AFAP1L1: variants seen among roughly 807,000 people sequenced by gnomAD.
The protein encoded by AFAP1L1 is actin filament-associated protein 1-like 1.
In AFAP1L1, 77 loss-of-function variants were observed where a neutral mutation model predicts 99.8. The observed-to-expected ratio is 0.77, with a 90% CI of 0.64 to 0.93. AFAP1L1 has a LOEUF of 0.93. Ranked by LOEUF, AFAP1L1 falls within the 40% of genes least tolerant of loss-of-function variation. The pLI is 0.00. For synonymous variants in AFAP1L1, 373 were observed against 395.3 expected (o/e 0.94, Z 0.67); for missense variants, 893 against 996.8 (o/e 0.90, Z 1.40).
intron 4 of AFAP1L1, 125 bp downstream of exon 4, chr5:149,301,355 G>A: frequency 6.7e-6 from 5 of 742,458 alleles, no homozygotes; most frequent in Non-Finnish European, 9.0e-6. Context: ...CTCTCGGGTT[G>A]TGGGTGAGGG....
chr5:149,286,222 T>C (rs1485432013), intron 1 of AFAP1L1, among the ~76,000 whole-genome samples: 1 of 152,152 alleles, frequency 6.6e-6, no homozygotes, highest in Admixed American at 6.5e-5. Flanking sequence ...AACACCTCAC[T>C]GGATCCTCAC....
At chr5:149,306,255 T>C in intron 5 of AFAP1L1, 51 bp from the exon 6 acceptor site, 1 of 1,521,106 alleles carries the variant, frequency 6.6e-7, no homozygotes, top group Non-Finnish European at 9.0e-7. Context: ...TCCTGGCCCC[T>C]GGAGTCTGCC....
At chr5:149,332,972 T>C (rs1282981252) in intron 17 of AFAP1L1, 99 bp downstream of exon 17, 2 of 1,402,552 alleles carry the variant, frequency 1.4e-6, no homozygotes, top group Non-Finnish European at 1.9e-6. Context: ...GTAGGGGTTA[T>C]GCCCACTTAC....
rs1756858689 is a variant in AFAP1L1 at position 149,318,405 on chromosome 5, CCCT to C, written c.1479+470_1479+472del. Among the ~76,000 whole-genome samples the C allele has an allele frequency of 3.3e-5, 5 of 152,198 alleles. No homozygotes were observed. The South Asian group carries it at 8.3e-4, about 25-fold the overall frequency. On this transcript the variant is annotated intron_variant, in intron 12 of 18. Coordinates refer to ENST00000296721, the MANE Select transcript of AFAP1L1 (RefSeq NM_152406.4). ...TCCCCTCTAAGACTTTTCACCAGTACCCTCCTCTGGTGGAGGAGAAGGTCCACT... is the reference window on the plus strand; with the variant it reads ...TCCCCTCTAAGACTTTTCACCAGTACCCTCTGGTGGAGGAGAAGGTCCACT...
intron 11 of AFAP1L1, among the ~76,000 whole-genome samples, chr5:149,316,667 C>T (rs1489314821): frequency 6.6e-6 from 1 of 152,016 alleles, no homozygotes; most frequent in Non-Finnish European, 1.5e-5. Flanking sequence ...AAGTAACAAC[C>T]CATATTATAG....
At chr5:149,290,395 C>T (rs913660717) in intron 1 of AFAP1L1, among the ~76,000 whole-genome samples, 3 of 152,174 alleles carry the variant, frequency 2.0e-5, no homozygotes, top group South Asian at 2.1e-4. Flanking sequence ...GGCCTGTTCC[C>T]GCTAGTGAGG....
At chr5:149,306,531 C>G in intron 6 of AFAP1L1, 127 bp downstream of exon 6, 1 of 820,792 alleles carries the variant, frequency 1.2e-6, no homozygotes. Flanking sequence ...ACTAGAGAGG[C>G]CCCAACACCC....
chr5:149,335,423 G>T (rs1757377711), intron 17 of AFAP1L1, among the ~76,000 whole-genome samples, 171 bp from the exon 18 acceptor site: 2 of 152,222 alleles, frequency 1.3e-5, no homozygotes, highest in African/African-American at 2.4e-5. Context: ...AGGAGGCAGA[G>T]GTTGCAGTGA....
At chr5:149,337,915 G>C (rs1377608834) in intron 18 of AFAP1L1, among the ~76,000 whole-genome samples, 1 of 152,188 alleles carries the variant, frequency 6.6e-6, no homozygotes, top group Non-Finnish European at 1.5e-5. Context: ...CCAGCAAGAG[G>C]GGACAGCAGG....
intron 1 of AFAP1L1, among the ~76,000 whole-genome samples, chr5:149,293,633 C>A (rs1755927175): frequency 6.6e-6 from 1 of 152,182 alleles, no homozygotes; most frequent in Non-Finnish European, 1.5e-5. Context: ...AGAACTATAG[C>A]AAATCTGTTC....
chr5:149,293,023 G>A (rs1755906942), intron 1 of AFAP1L1, among the ~76,000 whole-genome samples: 1 of 152,236 alleles, frequency 6.6e-6, no homozygotes, highest in Non-Finnish European at 1.5e-5. Flanking sequence ...CCCAAGCTCA[G>A]TGTCAGGGCC....
In AFAP1L1 at chr5:149,315,718, T is replaced by G. The variant is rs1756771462; in HGVS notation, c.1021-103T>G. ...TGCTGACAAACATTTGTTAGCTAAT[T>G]ATCATGTGCTGGGGGAGTTGGAGGG... On this transcript the variant is annotated intron_variant, in intron 9 of 18. Coordinates refer to ENST00000296721, the MANE Select transcript of AFAP1L1 (RefSeq NM_152406.4). The G allele has an allele frequency of 8.8e-6, 8 of 911,260 alleles. No individual in the cohort carries two copies. The South Asian group carries it at 9.8e-5, about 11-fold the overall frequency. 56.4% of individuals were successfully genotyped at this position (911,260 alleles called of 1,614,324 possible). A position where few individuals can be genotyped will look rare whatever the true frequency, so the allele number is the denominator to read the frequency against.
chr5:149,312,257 C>T lies in AFAP1L1; in HGVS notation c.1020+53C>T, dbSNP rs375190446. 1.5e-3 allele frequency: 2,312 copies of T among 1,556,198 alleles called. 6 individuals carry two copies. The highest frequency in any genetic ancestry group is 1.9e-3 in the Non-Finnish European group (2,178 of 1,127,396). On this transcript the variant is annotated intron_variant, in intron 9 of 18. Coordinates refer to ENST00000296721, the MANE Select transcript of AFAP1L1 (RefSeq NM_152406.4). ...CAGGCCAGGCAGTGGCCACTCAACA[C>T]GGGCTCAACCCCAGGGGAACTAACT...
intron 1 of AFAP1L1, among the ~76,000 whole-genome samples, chr5:149,282,854 T>C (rs1013840467): frequency 6.6e-6 from 1 of 152,194 alleles, no homozygotes; most frequent in African/African-American, 2.4e-5. Context: ...CGAGAGTGTG[T>C]ATTCAAGAGT....
chr5:149,310,387 T>A (rs1048365412), intron 8 of AFAP1L1, among the ~76,000 whole-genome samples: 6 of 152,238 alleles, frequency 3.9e-5, no homozygotes, highest in Non-Finnish European at 8.8e-5. Context: ...GTGGGCTTAT[T>A]CAGCCTGCAC....
chr5:149,279,325 G>T (rs1184070075), intron 1 of AFAP1L1, among the ~76,000 whole-genome samples: 1 of 152,230 alleles, frequency 6.6e-6, no homozygotes, highest in Non-Finnish European at 1.5e-5. Flanking sequence ...GATGCAAAGA[G>T]TCAAAGTTTG....
chr5:149,307,643 G>T (rs370605092), intron 7 of AFAP1L1, 30 bp downstream of exon 7: 6 of 1,604,202 alleles, frequency 3.7e-6, no homozygotes, highest in Non-Finnish European at 5.1e-6. Flanking sequence ...CATGTGCCTC[G>T]GCCTCACATG....
intron 15 of AFAP1L1, among the ~76,000 whole-genome samples, chr5:149,329,152 T>C (rs1442970945): frequency 6.6e-6 from 1 of 152,200 alleles, no homozygotes; most frequent in Non-Finnish European, 1.5e-5. Context: ...CATCACAAAT[T>C]TGTTTTTTAA....
chr5:149,291,648 C>T (rs1755866294), intron 1 of AFAP1L1, among the ~76,000 whole-genome samples: 1 of 151,356 alleles, frequency 6.6e-6, no homozygotes, highest in South Asian at 2.1e-4. Context: ...CACATCTGAT[C>T]AGCATACTGC....
Sources: allele counts gnomAD v4.1 joint callset (sites outside exome capture counted in the v4.1 genomes callset), GRCh38; gene constraint gnomAD v4.1.1; transcripts MANE v1.5; gene names NCBI Gene and HGNC (gene_info 2026-07-23, HGNC 2026-07-21).